The following DNAH3 variants were observed in gnomAD, a reference collection of about 807,000 sequenced individuals.
DNAH3 encodes the protein dynein axonemal heavy chain 3.
A neutral mutation model predicts 432.5 loss-of-function variants in DNAH3; 332 were observed. That is an observed-to-expected ratio of 0.77 (90% CI 0.70 to 0.84). DNAH3 has a LOEUF of 0.84. DNAH3 is among the 40% of genes least tolerant of loss of function. DNAH3 has a pLI of 0.00. For missense variants in DNAH3, 4,861 were observed against 5,114.0 expected (o/e 0.95, Z 1.51); for synonymous variants, 1,956 against 1,900.2 (o/e 1.03, Z -0.76).
At chr16:20,975,608 T>C (rs1435522039) in intron 50 of DNAH3, among the ~76,000 whole-genome samples, 193 bp from the exon 51 acceptor site, 1 of 152,248 alleles carries the variant, frequency 6.6e-6, no homozygotes, top group Non-Finnish European at 1.5e-5. Flanking sequence ...GAGTTTACAC[T>C]CTGCATTGTG....
chr16:21,104,677 G>A lies in DNAH3; in HGVS notation c.2285-125C>T, dbSNP rs1177217601. ...GTGGCGAATTAATTAGACAGAACAAGAGGTCAACAGGAGTGGTGTGGGGGT... is the reference window on the plus strand; with the variant it reads ...GTGGCGAATTAATTAGACAGAACAAAAGGTCAACAGGAGTGGTGTGGGGGT... On this transcript the variant is annotated intron_variant, in intron 15 of 61. Transcript: ENST00000261383. 2.6e-5 allele frequency: 20 copies of A among 776,388 alleles called. No individual in the cohort carries two copies. The East Asian group carries it at 5.1e-4, about 20-fold the overall frequency. The allele number at this position is 776,388 out of a possible 1,614,324, so 48.1% of individuals were successfully genotyped here.
At chr16:21,009,819 G>A (rs1428094108) in intron 41 of DNAH3, among the ~76,000 whole-genome samples, 1 of 151,626 alleles carries the variant, frequency 6.6e-6, no homozygotes. Context: ...AGACTGCAGT[G>A]AGCCGTGATG....
At chr16:21,154,527 AT>A (rs2092886301) in intron 1 of DNAH3, among the ~76,000 whole-genome samples, 1 of 152,246 alleles carries the variant, frequency 6.6e-6, no homozygotes, top group Non-Finnish European at 1.5e-5. Flanking sequence ...GTTTAAAACT[AT>A]CAAAACAATA....
Position 21,096,212 on chromosome 16 carries a change from C to T in DNAH3, c.2665+1143G>A, listed in dbSNP as rs117417736. 5.9e-5 allele frequency among the ~76,000 whole-genome samples: 9 copies of T among 151,504 alleles called. No individual in the cohort carries two copies. The East Asian group carries it at 1.7e-3, about 29-fold the overall frequency. On this transcript the variant is annotated intron_variant, in intron 18 of 61. Coordinates refer to ENST00000261383, the Ensembl canonical transcript of DNAH3. Reference sequence around the variant, plus strand: ...GTAGTAAGCAGATCATAGCTTACTGCAGCCTTGATCTCCTGGGCTCAAGCG... The same window carrying T: ...GTAGTAAGCAGATCATAGCTTACTGTAGCCTTGATCTCCTGGGCTCAAGCG...
At chr16:20,943,105 G>C (rs2083889312) in intron 58 of DNAH3, among the ~76,000 whole-genome samples, 1 of 151,670 alleles carries the variant, frequency 6.6e-6, no homozygotes, top group South Asian at 2.1e-4. Flanking sequence ...TTTTAAGACA[G>C]GGTCTCACTC....
At chr16:21,018,800 C>T (rs1388164831) in intron 41 of DNAH3, among the ~76,000 whole-genome samples, 3 of 151,870 alleles carry the variant, frequency 2.0e-5, no homozygotes, top group Admixed American at 1.3e-4. Flanking sequence ...GAGGCTGAGA[C>T]AGGAGAATCT....
rs1348806126 is a variant in DNAH3, at chr16:21,019,662, C to CCA, written c.5983_5984insTG (p.Ser1995MetfsTer67). 1 of 1,613,962 alleles carries CCA rather than the reference C, an allele frequency of 6.2e-7. No homozygotes were observed. The highest frequency in any genetic ancestry group is 8.5e-7 in the Non-Finnish European group (1 of 1,180,016). The stretch of plus-strand genomic sequence containing the variant: ...GATGTTGTTTTTGGTGAGTTTGACG[C>CCA]TTTTGGGCCTTGGGTGGTTATCATC... On this transcript the variant is annotated frameshift_variant, in exon 41 of 62. Transcript: ENST00000261383. LOFTEE classifies it high-confidence loss of function.
chr16:21,151,083 T>C (rs1347228129), intron 1 of DNAH3, among the ~76,000 whole-genome samples: 1 of 152,118 alleles, frequency 6.6e-6, no homozygotes, highest in African/African-American at 2.4e-5. Context: ...CAGAGTATGG[T>C]GGTTAAGTTC....
intron 37 of DNAH3, among the ~76,000 whole-genome samples, chr16:21,029,144 C>A (rs770600365): frequency 4.6e-5 from 7 of 152,130 alleles, no homozygotes; most frequent in Non-Finnish European, 8.8e-5. Flanking sequence ...CAAGACCAAC[C>A]GATACATCTG....
At chr16:21,003,802 TA>T (rs941565194) in intron 41 of DNAH3, among the ~76,000 whole-genome samples, 6 of 151,046 alleles carry the variant, frequency 4.0e-5, no homozygotes, top group Non-Finnish European at 8.9e-5. Context: ...TATATACAAT[TA>T]AAAAAAAGAA....
At chr16:21,123,415 C>G (rs2092384473) in intron 9 of DNAH3, among the ~76,000 whole-genome samples, 1 of 152,128 alleles carries the variant, frequency 6.6e-6, no homozygotes, top group African/African-American at 2.4e-5. Context: ...CCCCTATTTT[C>G]CAGACACAGG....
chr16:20,974,870 G>C (rs1167950054), intron 51 of DNAH3, among the ~76,000 whole-genome samples: 1 of 151,632 alleles, frequency 6.6e-6, no homozygotes, highest in African/African-American at 2.4e-5. Context: ...CCAGGCTGGA[G>C]TGCAGTGGTG....
chr16:20,935,443 C>G, exon 61 of DNAH3: 1 of 1,612,120 alleles, frequency 6.2e-7, no homozygotes, highest in Non-Finnish European at 8.5e-7. Flanking sequence ...AAGTAGAATC[C>G]AGAGATCCAA....
At chr16:20,950,168 A>T (rs1362178576) in intron 56 of DNAH3, among the ~76,000 whole-genome samples, 1 of 152,012 alleles carries the variant, frequency 6.6e-6, no homozygotes, top group African/African-American at 2.4e-5. Flanking sequence ...TTCTTTGGAG[A>T]TGTTCTTTCA....
rs146872274 is a variant in DNAH3, at chr16:20,936,837, G to A, written c.11671C>T (p.Arg3891Trp). The A allele has an allele frequency of 2.3e-5, 37 of 1,611,690 alleles. No individual in the cohort carries two copies. Among genetic ancestry groups the A allele is most frequent in the African/African-American group, 2.3e-4 (17 of 74,864 alleles). Residue 3891 changes from arginine (R) to tryptophan (W), a missense_variant, in exon 60 of 62, where the codon CGG becomes TGG. By Grantham distance (101) the Arg-to-Trp change is moderately radical. Coordinates refer to ENST00000261383, the Ensembl canonical transcript of DNAH3. ...CGGCCAAGATTGATGAGGCTCCTCC[G>A]AACCACTTTGGTCAGCCTGCAAGAA...
At chr16:20,933,185 C>T (rs747200575) in exon 62 of DNAH3, 1 of 1,614,074 alleles carries the variant, frequency 6.2e-7, no homozygotes, top group South Asian at 1.1e-5. Flanking sequence ...TGAGGCCACC[C>T]CTCGGTTTAT....
intron 8 of DNAH3, among the ~76,000 whole-genome samples, chr16:21,126,372 T>C (rs1376327265): frequency 6.6e-6 from 1 of 152,164 alleles, no homozygotes; most frequent in Non-Finnish European, 1.5e-5. Flanking sequence ...TGAGATTTAT[T>C]GAGCAGCTAT....
Position 21,054,537 on chromosome 16 carries a change from G to A in DNAH3, c.3925-3C>T. The A allele has an allele frequency of 6.2e-7, 1 of 1,610,976 alleles. No individual in the cohort carries two copies. The highest frequency in any genetic ancestry group is 8.5e-7 in the Non-Finnish European group (1 of 1,177,306). ...TCATTGCTCTTTTTCAGAAAATCCT[G>A]GAAGGGGCAGAGGAGGGGACAACTG... On this transcript the variant is annotated splice_region_variant and splice_polypyrimidine_tract_variant and intron_variant, in intron 27 of 61. Transcript: ENST00000261383.
At chr16:21,056,685 G>T (rs1220214110) in intron 27 of DNAH3, among the ~76,000 whole-genome samples, 2 of 152,134 alleles carry the variant, frequency 1.3e-5, no homozygotes, top group Non-Finnish European at 2.9e-5. Flanking sequence ...GTCAACACCT[G>T]CTTCCTTTAG....
Sources: gnomAD v4.1 joint callset for allele counts (sites outside exome capture counted in the v4.1 genomes callset) on GRCh38, gnomAD v4.1.1 for gene constraint, MANE v1.5 for transcripts, NCBI Gene and HGNC (gene_info 2026-07-23, HGNC 2026-07-21) for gene names.